The following APPL2 variants were observed in gnomAD, a reference collection of about 807,000 sequenced individuals.
APPL2 encodes the protein adaptor protein, phosphotyrosine interacting with PH domain and leucine zipper 2.
APPL2 carries 84 observed loss-of-function variants against 92.7 expected under a neutral mutation model. The ratio of observed to expected loss-of-function variants is 0.91; its 90% CI spans 0.76 to 1.09. The LOEUF (loss-of-function observed/expected upper bound fraction) is 1.09. Among genes scored for constraint, APPL2 ranks in the 50% least tolerant of loss-of-function variants. APPL2 has a pLI of 0.00. For synonymous variants in APPL2, 291 were observed against 291.0 expected, an observed-to-expected ratio of 1.00 and a Z score of 0.00; for missense variants, 736 against 824.5, an observed-to-expected ratio of 0.89 and a Z score of 1.31.
chr12:105,233,829 G>A (rs187042857), intron 1 of APPL2, among the ~76,000 whole-genome samples: 13 of 152,320 alleles, frequency 8.5e-5, no homozygotes, highest in Middle Eastern at 3.4e-3. Context: ...ACTATTGGGA[G>A]GATTGAGTGA....
chr12:105,177,189 G>A, intron 18 of APPL2, 37 bp downstream of exon 18: 1 of 1,610,548 alleles, frequency 6.2e-7, no homozygotes, highest in Non-Finnish European at 8.5e-7. Flanking sequence ...GTGAATTAAG[G>A]AGTAATCACT....
At chr12:105,215,583 C>T (rs11836591) in intron 4 of APPL2, among the ~76,000 whole-genome samples, 183 of 152,168 alleles carry the variant, frequency 1.2e-3, no homozygotes, top group African/African-American at 4.2e-3. Context: ...GTTGAATAAA[C>T]GAAAATGCAA....
chr12:105,211,232 G>GT lies in APPL2; in HGVS notation c.370dup (p.Thr124AsnfsTer14). 1 of 1,610,042 alleles carries GT rather than the reference G, an allele frequency of 6.2e-7. No individual in the cohort carries two copies. The highest frequency in any genetic ancestry group is 8.5e-7 in the Non-Finnish European group (1 of 1,176,326). ...GGCATTGAACTCAGTTACTTTACCT[G>GT]TGAGATCCTTTTCTCGGAATTGTAT... is the stretch of plus-strand genomic sequence containing the variant. On this transcript the variant is annotated frameshift_variant, in exon 5 of 21. Coordinates refer to ENST00000258530, the MANE Select transcript of APPL2 (RefSeq NM_018171.5). LOFTEE classifies it high-confidence loss of function.
intron 7 of APPL2, 121 bp downstream of exon 7, chr12:105,207,850 G>T: frequency 1.2e-6 from 1 of 817,976 alleles, no homozygotes; most frequent in Non-Finnish European, 2.0e-6. Flanking sequence ...AATTTTAAAA[G>T]TCCATGTATA....
intron 9 of APPL2, among the ~76,000 whole-genome samples, chr12:105,200,897 T>C (rs920298927): frequency 1.3e-5 from 2 of 150,838 alleles, no homozygotes; most frequent in Non-Finnish European, 3.0e-5. Flanking sequence ...TCTATCTATC[T>C]ATCTATCCTA....
intron 17 of APPL2, among the ~76,000 whole-genome samples, chr12:105,182,339 TTTAA>T (rs1200838385): frequency 6.6e-6 from 1 of 152,242 alleles, no homozygotes; most frequent in Non-Finnish European, 1.5e-5. Context: ...TTCTAGTTCT[TTTAA>T]TTGTGATGTT....
Position 105,193,320 on chromosome 12 carries a change from A to G in APPL2, c.1241+1941T>C, listed in dbSNP as rs78630065. Among the ~76,000 whole-genome samples, 175 of 152,316 alleles carry G rather than the reference A, an allele frequency of 1.1e-3. 1 individual carries two copies. Among genetic ancestry groups the G allele is most frequent in the Admixed American group, 8.6e-3 (132 of 15,304 alleles). The stretch of plus-strand genomic sequence containing the variant: ...TCCATCAACACCCTTGAGAGATGGC[A>G]TATCAGAGCTAGAAGGGTCCTAGGA... On this transcript the variant is annotated intron_variant, in intron 14 of 20. Coordinates refer to ENST00000258530, the MANE Select transcript of APPL2 (RefSeq NM_018171.5).
intron 2 of APPL2, among the ~76,000 whole-genome samples, chr12:105,220,458 G>A (rs1458870829): frequency 6.6e-6 from 1 of 152,186 alleles, no homozygotes; most frequent in East Asian, 1.9e-4. Flanking sequence ...GTCATCAGAT[G>A]TCTCAAAGAC....
chr12:105,214,833 C>T (rs1412567712), intron 4 of APPL2, among the ~76,000 whole-genome samples: 1 of 152,190 alleles, frequency 6.6e-6, no homozygotes, highest in Non-Finnish European at 1.5e-5. Context: ...TTAGCCCCGC[C>T]CCCATCTTCC....
rs997547447 is a variant in APPL2, at chr12:105,183,513, T to A, written c.1634+4760A>T. Among the ~76,000 whole-genome samples, 19 of 152,236 alleles carry A rather than the reference T, an allele frequency of 1.2e-4. No individual in the cohort carries two copies. The East Asian group carries it at 3.5e-3, about 28-fold the overall frequency. Reference sequence around the variant, plus strand: ...AAGGATTTTATTTCTCCTTTGCTTATGAAGCTTAGTTTGGCTGGATATGAA... The same window carrying A: ...AAGGATTTTATTTCTCCTTTGCTTAAGAAGCTTAGTTTGGCTGGATATGAA... On this transcript the variant is annotated intron_variant, in intron 17 of 20. Coordinates refer to ENST00000258530, the MANE Select transcript of APPL2 (RefSeq NM_018171.5).
At chr12:105,221,393 G>C (rs1013291672) in intron 2 of APPL2, among the ~76,000 whole-genome samples, 2 of 152,196 alleles carry the variant, frequency 1.3e-5, no homozygotes, top group Non-Finnish European at 2.9e-5. Context: ...TGTAAACGTG[G>C]AGACTAAGCT....
At chr12:105,221,430 G>A (rs1045843328) in intron 2 of APPL2, among the ~76,000 whole-genome samples, 1 of 152,166 alleles carries the variant, frequency 6.6e-6, no homozygotes. Flanking sequence ...ACTTTCTAAA[G>A]CCACATGACT....
chr12:105,203,502 T>C, intron 9 of APPL2: 1 of 559,516 alleles, frequency 1.8e-6, no homozygotes, highest in Non-Finnish European at 3.2e-6. Flanking sequence ...ACAAGAGATC[T>C]GGAGAAAACT....
At position 105,200,831 on chromosome 12, in the gene APPL2, C is replaced by CGTATGTATGTAT. The variant is rs67064501; in HGVS notation, c.705-1312_705-1301dup. On this transcript the variant is annotated intron_variant, in intron 9 of 20. Coordinates refer to ENST00000258530, the MANE Select transcript of APPL2 (RefSeq NM_018171.5). ...ACATTCCATATTCCCCCACTCTCTA[C>CGTATGTATGTAT]GTATGTATGTATGTATGTATGTATG... is the stretch of plus-strand genomic sequence containing the variant. Among the ~76,000 whole-genome samples the CGTATGTATGTAT allele has an allele frequency of 2.1e-3, 301 of 144,492 alleles. 1 individual carries two copies. Among genetic ancestry groups the CGTATGTATGTAT allele is most frequent in the Middle Eastern group, 3.5e-3 (1 of 284 alleles). The allele number at this position is 144,492 out of a possible 152,430, so 94.8% of individuals were successfully genotyped here.
At chr12:105,189,078 G>A (rs1330198925) in intron 16 of APPL2, among the ~76,000 whole-genome samples, 1 of 152,072 alleles carries the variant, frequency 6.6e-6, no homozygotes, top group Non-Finnish European at 1.5e-5. Context: ...GAGTGCAATG[G>A]CATGATTTCA....
intron 8 of APPL2, among the ~76,000 whole-genome samples, chr12:105,205,617 G>A (rs1888633954): frequency 6.6e-6 from 1 of 152,228 alleles, no homozygotes; most frequent in African/African-American, 2.4e-5. Context: ...ATCAGGACCA[G>A]AGCTGATCAT....
At chr12:105,232,763 C>CAAAAAAAA (rs55939711) in intron 1 of APPL2, among the ~76,000 whole-genome samples, 1 of 78,018 alleles carries the variant, frequency 1.3e-5, no homozygotes, top group Non-Finnish European at 2.5e-5. Context: ...GACCCTGTCT[C>CAAAAAAAA]AAAAAAAAAA....
At chr12:105,228,824 T>C (rs1890711361) in intron 2 of APPL2, among the ~76,000 whole-genome samples, 1 of 152,132 alleles carries the variant, frequency 6.6e-6, no homozygotes, top group Admixed American at 6.5e-5. Flanking sequence ...GACCCACTTA[T>C]TCACAAGTAG....
chr12:105,222,369 T>C (rs1890170302), intron 2 of APPL2, among the ~76,000 whole-genome samples: 1 of 151,868 alleles, frequency 6.6e-6, no homozygotes, highest in Non-Finnish European at 1.5e-5. Flanking sequence ...TTGGAGAAGC[T>C]GAGATAAACA....
Sources: gnomAD v4.1 joint callset for allele counts (sites outside exome capture counted in the v4.1 genomes callset) on GRCh38, gnomAD v4.1.1 for gene constraint, MANE v1.5 for transcripts, NCBI Gene and HGNC (gene_info 2026-07-23, HGNC 2026-07-21) for gene names.